Variants in LY9 observed in about 807,000 individuals in gnomAD.
LY9 encodes the protein lymphocyte antigen 9.
A neutral mutation model predicts 64.6 loss-of-function variants in LY9; 59 were observed. The observed-to-expected ratio is 0.91, with a 90% CI of 0.74 to 1.13. The LOEUF (loss-of-function observed/expected upper bound fraction) is 1.13, where lower values mean the gene tolerates loss of function less well. LY9 is among the 50% of genes most tolerant of loss of function. The pLI is 0.00. For synonymous variants in LY9, 281 were observed against 308.5 expected (o/e 0.91, Z 0.93); for missense variants, 789 against 797.2 (o/e 0.99, Z 0.12).
chr1:160,802,352 C>CT (rs1666578250), intron 2 of LY9: 1 of 988,236 alleles, frequency 1.0e-6, no homozygotes, highest in African/African-American at 1.7e-5. Context: ...CCATCCGGGC[C>CT]TGCTGGCTGC....
intron 2 of LY9, chr1:160,802,853 C>T (rs955895938): frequency 5.2e-6 from 1 of 192,934 alleles, no homozygotes; most frequent in Non-Finnish European, 9.5e-6. Context: ...ATTTTTATAA[C>T]ACCATGCTGT....
In LY9 at chr1:160,816,696, T is replaced by C; in HGVS notation, c.1175T>C (p.Val392Ala). The change falls in exon 5 of 10, where the codon GTC (valine) becomes GCC (alanine). Residue 392 changes from valine to alanine, a missense_variant. Coordinates refer to ENST00000263285, the MANE Select transcript of LY9 (RefSeq NM_002348.4). Reference protein sequence around the residue: ...TCSVEDGGNTVMYTWTPLQKE... With the variant: ...TCSVEDGGNTAMYTWTPLQKE... ...TCCGTGGAGGACGGGGGAAACACTG[T>C]CATGTACACATGGACCCCGCTGCAG... 1 of 1,614,162 alleles carries C rather than the reference T, an allele frequency of 6.2e-7. No homozygotes were observed. The highest frequency in any genetic ancestry group is 8.5e-7 in the Non-Finnish European group (1 of 1,180,022).
At chr1:160,806,245 T>C (rs548856340) in intron 2 of LY9, among the ~76,000 whole-genome samples, 44 of 152,320 alleles carry the variant, frequency 2.9e-4, no homozygotes, top group Admixed American at 6.5e-4. Flanking sequence ...ATATTCTTTG[T>C]TTCTTTCTCT....
intron 7 of LY9, among the ~76,000 whole-genome samples, chr1:160,819,864 G>T (rs1668275790): frequency 7.1e-6 from 1 of 140,920 alleles, no homozygotes; most frequent in Non-Finnish European, 1.6e-5. Flanking sequence ...AGGGAGGGAG[G>T]GAGGGAGGGA....
At chr1:160,802,394 A>C (rs1666582147) in intron 2 of LY9, 2 of 986,912 alleles carry the variant, frequency 2.0e-6, no homozygotes, top group Middle Eastern at 5.2e-4. Context: ...GGCTCAGCCC[A>C]CTGCGTGGGA....
intron 9 of LY9, among the ~76,000 whole-genome samples, chr1:160,825,979 A>G (rs1668832444): frequency 6.6e-6 from 1 of 152,044 alleles, no homozygotes; most frequent in African/African-American, 2.4e-5. Flanking sequence ...ACCCCACCCC[A>G]CTCCATGCAA....
chr1:160,819,398 T>C (rs1045179260), intron 7 of LY9, 24 bp downstream of exon 7: 30 of 1,593,522 alleles, frequency 1.9e-5, no homozygotes, highest in Non-Finnish European at 2.3e-5. Flanking sequence ...TGACACAGGC[T>C]ATGGGGTATC....
intron 2 of LY9, among the ~76,000 whole-genome samples, chr1:160,804,603 G>T (rs769136507): frequency 6.6e-6 from 1 of 152,092 alleles, no homozygotes; most frequent in Admixed American, 6.5e-5. Context: ...TGGCCTCATC[G>T]AATGAGTTAA....
chr1:160,815,870 C>CT (rs1667911500), intron 4 of LY9, among the ~76,000 whole-genome samples: 1 of 152,218 alleles, frequency 6.6e-6, no homozygotes, highest in South Asian at 2.1e-4. Flanking sequence ...AGCCCTGGGC[C>CT]TCACAGGAGC....
chr1:160,805,741 T>TCACACACACA (rs60721619), intron 2 of LY9, among the ~76,000 whole-genome samples: 72 of 140,698 alleles, frequency 5.1e-4, no homozygotes, highest in East Asian at 1.0e-3. Flanking sequence ...TCTCTCTGTC[T>TCACACACACA]CACACACACA....
At chr1:160,801,523 A>G (rs1346210696) in intron 2 of LY9, among the ~76,000 whole-genome samples, 6 of 152,014 alleles carry the variant, frequency 3.9e-5, no homozygotes, top group Non-Finnish European at 5.9e-5. Context: ...CACTCTGTTG[A>G]TTATTTCTTT....
At chr1:160,815,150 G>A (rs896490957) in intron 4 of LY9, 4 of 188,148 alleles carry the variant, frequency 2.1e-5, no homozygotes, top group Admixed American at 1.6e-4. Context: ...AGACCAGGCT[G>A]GCCAACATGG....
intron 2 of LY9, among the ~76,000 whole-genome samples, chr1:160,804,802 C>G (rs2101757944): frequency 6.6e-6 from 1 of 152,160 alleles, no homozygotes; most frequent in Middle Eastern, 3.4e-3. Context: ...CTATTTTTTA[C>G]TGATTCAGTC....
chr1:160,811,666 A>G (rs929443890), intron 2 of LY9: 6 of 152,240 alleles, frequency 3.9e-5, no homozygotes, highest in African/African-American at 1.4e-4. Context: ...CCACTTTACA[A>G]CAAGTATGCC....
chr1:160,824,126 A>G (rs571341810), intron 8 of LY9, 55 bp from the exon 9 acceptor site: 1 of 1,610,780 alleles, frequency 6.2e-7, no homozygotes, highest in East Asian at 2.2e-5. Context: ...TTGAGGGTAA[A>G]ACTGAAAAGC....
chr1:160,816,601 G>C lies in LY9; in HGVS notation c.1080G>C (p.Leu360=). 6.3e-7 allele frequency: 1 copy of C among 1,599,024 alleles called. No homozygotes were observed. The highest frequency in any genetic ancestry group is 2.3e-5 in the East Asian group (1 of 44,290). ...CTGCCTCTCTCCTCACAGGCAGGCT[G>C]AGGAAGCCCAAAATCACGTGGAGCC... is the stretch of plus-strand genomic sequence containing the variant. ...THVTLLIYRR[L]RKPKITWSLR... Residue 360 remains leucine, a synonymous_variant, in exon 5 of 10, where the codon CTG becomes CTC. Transcript: ENST00000263285.
Position 160,814,641 on chromosome 1 carries a change from C to T in LY9, c.952C>T (p.Gln318Ter), listed in dbSNP as rs773387937. ...PYKNRVWVSS[Q>*]DCSLKISQLK... ...CAAGAACAGGGTGTGGGTCTCCAGCCAGGACTGCTCCCTGAAGATCAGCCA... is the reference window on the plus strand; with the variant it reads ...CAAGAACAGGGTGTGGGTCTCCAGCTAGGACTGCTCCCTGAAGATCAGCCA... Residue 318 changes from glutamine to a stop codon, truncating the protein, a stop_gained, in exon 4 of 10, where the codon CAG (glutamine) becomes TAG (stop). Coordinates refer to ENST00000263285, the MANE Select transcript of LY9 (RefSeq NM_002348.4). LOFTEE classifies it high-confidence loss of function. 14 of 1,614,058 alleles carry T rather than the reference C, an allele frequency of 8.7e-6. No individual in the cohort carries two copies. In the South Asian group the frequency reaches 1.4e-4, roughly 16 times the overall value.
chr1:160,800,446 G>T (rs867668995), intron 2 of LY9, among the ~76,000 whole-genome samples: 1 of 152,046 alleles, frequency 6.6e-6, no homozygotes, highest in Non-Finnish European at 1.5e-5. Context: ...GAGAACATGC[G>T]ATATGTGTCT....
intron 7 of LY9, among the ~76,000 whole-genome samples, chr1:160,821,294 A>G (rs1286249684): frequency 6.6e-6 from 1 of 152,140 alleles, no homozygotes; most frequent in South Asian, 2.1e-4. Context: ...CCTTTCAGAA[A>G]CTTTTAATGC....
Sources: allele counts gnomAD v4.1 joint callset (sites outside exome capture counted in the v4.1 genomes callset), GRCh38; gene constraint gnomAD v4.1.1; transcripts MANE v1.5; gene names NCBI Gene and HGNC (gene_info 2026-07-23, HGNC 2026-07-21).